VCAN: variants seen among roughly 807,000 people sequenced by gnomAD.
VCAN encodes the protein versican core protein.
A neutral mutation model predicts 245.5 loss-of-function variants in VCAN; 44 were observed. The observed-to-expected ratio is 0.18, with a 90% CI of 0.14 to 0.23. The LOEUF is 0.23. Ranked by LOEUF, VCAN falls within the 10% of genes least tolerant of loss-of-function variation. The probability of loss-of-function intolerance (pLI) is 1.00; values close to 1 mark genes in which losing one functional copy is unlikely to be tolerated. For synonymous variants in VCAN, 1,413 were observed against 1,437.0 expected (o/e 0.98, Z 0.38); for missense variants, 3,793 against 4,057.9 (o/e 0.93, Z 1.77).
intron 8 of VCAN, among the ~76,000 whole-genome samples, chr5:83,543,824 T>A (rs1043104372): frequency 5.3e-5 from 8 of 152,214 alleles, no homozygotes; most frequent in Non-Finnish European, 7.3e-5. Flanking sequence ...TCACTTTAGC[T>A]TAATTCAGTA....
chr5:83,579,411 C>T (rs181233908), intron 13 of VCAN, among the ~76,000 whole-genome samples: 1 of 151,916 alleles, frequency 6.6e-6, no homozygotes, highest in African/African-American at 2.4e-5. Context: ...CTACAGGTGC[C>T]CACCACCATG....
intron 7 of VCAN, among the ~76,000 whole-genome samples, chr5:83,532,903 C>T (rs918969692): frequency 6.6e-6 from 1 of 151,838 alleles, no homozygotes; most frequent in African/African-American, 2.4e-5. Flanking sequence ...ATCTAATATA[C>T]AAAATTAAGA....
At chr5:83,517,020 G>A (rs1487884316) in intron 6 of VCAN, among the ~76,000 whole-genome samples, 2 of 152,000 alleles carry the variant, frequency 1.3e-5, no homozygotes, top group Non-Finnish European at 2.9e-5. Flanking sequence ...TTTTAAAATA[G>A]GGCTCTAAAA....
chr5:83,487,926 A>G (rs1392842605), intron 2 of VCAN, among the ~76,000 whole-genome samples: 2 of 152,212 alleles, frequency 1.3e-5, no homozygotes, highest in Admixed American at 1.3e-4. Flanking sequence ...TGGAAGACAT[A>G]TATTTTAAAC....
chr5:83,502,240 A>G (rs1242421189), intron 5 of VCAN, among the ~76,000 whole-genome samples: 1 of 152,132 alleles, frequency 6.6e-6, no homozygotes, highest in South Asian at 2.1e-4. Flanking sequence ...CTTACTTTAC[A>G]TAAGTAGAAC....
intron 12 of VCAN, among the ~76,000 whole-genome samples, chr5:83,565,917 C>T (rs1439352647): frequency 6.6e-6 from 1 of 150,916 alleles, no homozygotes; most frequent in Non-Finnish European, 1.5e-5. Context: ...AAAAAAAAAC[C>T]TCCTGGTTTA....
At chr5:83,479,830 T>A (rs1744551834) in intron 1 of VCAN, among the ~76,000 whole-genome samples, 1 of 152,220 alleles carries the variant, frequency 6.6e-6, no homozygotes, top group Admixed American at 6.5e-5. Flanking sequence ...CTGAGGCAGC[T>A]AAAGTCAATA....
At chr5:83,566,948 A>G (rs1020594183) in intron 12 of VCAN, among the ~76,000 whole-genome samples, 10 of 152,204 alleles carry the variant, frequency 6.6e-5, no homozygotes, top group African/African-American at 2.2e-4. Flanking sequence ...TGAGTTCTCT[A>G]GTTTGTGAAG....
chr5:83,570,734 A>G (rs1042604323), intron 12 of VCAN, among the ~76,000 whole-genome samples: 4 of 152,162 alleles, frequency 2.6e-5, no homozygotes, highest in Admixed American at 1.3e-4. Flanking sequence ...TGGTAAATAC[A>G]GTAAAATGGA....
At chr5:83,504,727 T>C (rs1745432182) in intron 5 of VCAN, among the ~76,000 whole-genome samples, 1 of 152,202 alleles carries the variant, frequency 6.6e-6, no homozygotes, top group African/African-American at 2.4e-5. Flanking sequence ...AAACCTGACA[T>C]CTTAAGTAAT....
chr5:83,555,622 A>C (rs1747641090), intron 12 of VCAN, among the ~76,000 whole-genome samples: 1 of 152,218 alleles, frequency 6.6e-6, no homozygotes, highest in Non-Finnish European at 1.5e-5. Context: ...GGTTCTTAGA[A>C]CAGGTGAAGC....
At chr5:83,527,185 G>A (rs1323214179) in intron 7 of VCAN, among the ~76,000 whole-genome samples, 1 of 152,182 alleles carries the variant, frequency 6.6e-6, no homozygotes, top group East Asian at 1.9e-4. Flanking sequence ...TTTAGATTTG[G>A]TTGCTGCTAA....
At position 83,539,774 on chromosome 5, in the gene VCAN, A is replaced by G. The variant is rs766368686; in HGVS notation, c.6771A>G (p.Gly2257=). 3 of 1,614,026 alleles carry G rather than the reference A, an allele frequency of 1.9e-6. No individual in the cohort carries two copies. In the South Asian group the frequency reaches 3.3e-5, roughly 18 times the overall value. ...SDTELLFSGL[G]SGEEVLPTLP... ...CTGAGCTCTTATTCTCTGGACTGGG[A>G]TCAGGAGAAGAAGTTTTACCTACTC... The change falls in exon 8 of 15, where the codon GGA becomes GGG. Residue 2257 remains glycine (G), a synonymous_variant. Coordinates refer to ENST00000265077, the MANE Select transcript of VCAN (RefSeq NM_004385.5).
rs1418904050 is a variant in VCAN, at chr5:83,520,302, G to C, written c.1996G>C (p.Glu666Gln). 1 of 1,613,696 alleles carries C rather than the reference G, an allele frequency of 6.2e-7. No homozygotes were observed. Among genetic ancestry groups the C allele is most frequent in the Admixed American group, 1.7e-5 (1 of 59,964 alleles). The stretch of plus-strand genomic sequence containing the variant: ...TTATTCTGGTGATAAAATATTAGTA[G>C]AGGGAATTTCCACAGTTATTTATCC... The part of the protein sequence containing the change: ...FPYSGDKILV[E>Q]GISTVIYPSL... Residue 666 changes from glutamate (E) to glutamine (Q), a missense_variant, in exon 7 of 15, where the codon GAG (glutamate) becomes CAG (glutamine). Physicochemically the swap from Glu to Gln is conservative, Grantham distance 29. This residue lies in a region of VCAN where 3,182 missense variants were observed against 3,250.3 expected (regional missense o/e 0.98). Transcript: ENST00000265077.
In VCAN at chr5:83,573,176, G is replaced by T. The variant is rs981927414; in HGVS notation, c.9880+616G>T. 2.6e-5 allele frequency among the ~76,000 whole-genome samples: 4 copies of T among 152,116 alleles called. No individual in the cohort carries two copies. In the South Asian group the frequency reaches 8.3e-4, roughly 32 times the overall value. On this transcript the variant is annotated intron_variant, in intron 13 of 14. Transcript: ENST00000265077. ...GCCTCCCAAAGTGCTGGGATTACAG[G>T]CTTGAGCCACCGCTCCTGACCGACT...
intron 9 of VCAN, among the ~76,000 whole-genome samples, chr5:83,546,263 G>T (rs1747215537): frequency 6.6e-6 from 1 of 151,204 alleles, no homozygotes; most frequent in Non-Finnish European, 1.5e-5. Context: ...AGGCACCAGT[G>T]TTGATTTGGC....
rs749584783 is a variant in VCAN, at chr5:83,521,070, G to A, written c.2764G>A (p.Gly922Arg). The A allele has an allele frequency of 3.7e-6, 6 of 1,613,984 alleles. No homozygotes were observed. In the African/African-American group the frequency reaches 5.3e-5, roughly 14 times the overall value. Residue 922 changes from glycine to arginine, a missense_variant, in exon 7 of 15, where the codon GGA becomes AGA. Around this residue, in one of 5 missense-constraint regions of VCAN, gnomAD observed 3,182 missense variants for 3,250.3 expected, o/e 0.98. Transcript: ENST00000265077. Reference protein sequence around the residue: ...TEGQVYATMEGSALGEVEDVD... With the variant: ...TEGQVYATMERSALGEVEDVD... ...AGGCCAAGTTTATGCAACCATGGAAGGAAGTGCTTTGGGTGAAGTAGAAGA... is the reference window on the plus strand; with the variant it reads ...AGGCCAAGTTTATGCAACCATGGAAAGAAGTGCTTTGGGTGAAGTAGAAGA...
At position 83,519,783 on chromosome 5, in the gene VCAN, A is replaced by ATT; in HGVS notation, c.1478_1479insTT (p.Glu494Ter). 1 of 1,614,202 alleles carries ATT rather than the reference A, an allele frequency of 6.2e-7. No individual in the cohort carries two copies. The highest frequency in any genetic ancestry group is 8.5e-7 in the Non-Finnish European group (1 of 1,179,992). On this transcript the variant is annotated frameshift_variant, in exon 7 of 15. Transcript: ENST00000265077. LOFTEE classifies it high-confidence loss of function. The stretch of plus-strand genomic sequence containing the variant: ...AGAATCGGTTACACAGATTGAACAA[A>ATT]TAGAAGTGGGTCCTTTGGTAACATC...
intron 12 of VCAN, among the ~76,000 whole-genome samples, chr5:83,557,803 A>G (rs1236859812): frequency 1.3e-5 from 2 of 152,060 alleles, no homozygotes; most frequent in African/African-American, 2.4e-5. Context: ...CAAGAACCCT[A>G]CTCTTAATTA....
Sources: gnomAD v4.1 joint callset for allele counts (sites outside exome capture counted in the v4.1 genomes callset) on GRCh38, gnomAD v4.1.1 for gene constraint, gnomAD v4.1.1 regional missense constraint, MANE v1.5 for transcripts, NCBI Gene and HGNC (gene_info 2026-07-23, HGNC 2026-07-21) for gene names.